The following RBMS1 variants were observed in gnomAD, a reference collection of about 807,000 sequenced individuals.
The protein encoded by RBMS1 is RNA binding motif single stranded interacting protein 1.
A neutral mutation model predicts 62.3 loss-of-function variants in RBMS1; 17 were observed. The observed-to-expected ratio is 0.27, with a 90% confidence interval of 0.19 to 0.41. The LOEUF (loss-of-function observed/expected upper bound fraction) is 0.41. RBMS1 is among the 10% of genes least tolerant of loss of function. RBMS1 has a pLI of 1.00. For missense variants in RBMS1, 334 were observed against 504.5 expected (o/e 0.66, Z 3.24); for synonymous variants, 172 against 170.0 (o/e 1.01, Z -0.09).
At chr2:160,275,854 A>G in intron 12 of RBMS1, 140 bp from the exon 13 acceptor site, 1 of 1,230,350 alleles carries the variant, frequency 8.1e-7, no homozygotes, top group Non-Finnish European at 1.1e-6. Flanking sequence ...TAGAGCTTTC[A>G]AGGTTAATCA....
intron 1 of RBMS1, among the ~76,000 whole-genome samples, chr2:160,424,139 C>T (rs1192980318): frequency 2.0e-5 from 3 of 151,880 alleles, no homozygotes; most frequent in Admixed American, 1.3e-4. Flanking sequence ...CTGCCTCAGC[C>T]TCCCAAGTAG....
chr2:160,450,553 A>C (rs140076253), intron 1 of RBMS1, among the ~76,000 whole-genome samples: 2 of 12,376 alleles, frequency 1.6e-4, no homozygotes, highest in Non-Finnish European at 6.2e-4. Context: ...AAAAAATAAA[A>C]AATAAAAAAT....
At chr2:160,341,027 A>C (rs1691839858) in intron 2 of RBMS1, among the ~76,000 whole-genome samples, 1 of 152,156 alleles carries the variant, frequency 6.6e-6, no homozygotes, top group African/African-American at 2.4e-5. Flanking sequence ...AAATATTATA[A>C]AATTGGTCTT....
At chr2:160,451,452 T>C (rs1683988384) in intron 1 of RBMS1, among the ~76,000 whole-genome samples, 1 of 152,148 alleles carries the variant, frequency 6.6e-6, no homozygotes, top group Non-Finnish European at 1.5e-5. Context: ...AATGTACAAG[T>C]ATAATCTATA....
intron 1 of RBMS1, among the ~76,000 whole-genome samples, chr2:160,421,547 T>C (rs1696429661): frequency 2.0e-5 from 3 of 152,224 alleles, no homozygotes; most frequent in South Asian, 2.1e-4. Context: ...CAGTCTATCA[T>C]TGATGGACAT....
At chr2:160,356,305 G>GT (rs1265333582) in intron 2 of RBMS1, among the ~76,000 whole-genome samples, 1 of 152,008 alleles carries the variant, frequency 6.6e-6, no homozygotes. Context: ...TTTATTTTGA[G>GT]TTTTTTATTT....
chr2:160,426,259 A>G (rs866900017), intron 1 of RBMS1, among the ~76,000 whole-genome samples: 10 of 125,362 alleles, frequency 8.0e-5, no homozygotes, highest in Non-Finnish European at 1.5e-4. Flanking sequence ...GAAAGAAAGA[A>G]AGAAAGAAAG....
At chr2:160,318,036 G>T in intron 3 of RBMS1, 133 bp downstream of exon 3, 1 of 1,352,016 alleles carries the variant, frequency 7.4e-7, no homozygotes, top group Non-Finnish European at 9.9e-7. Flanking sequence ...CACTGTGCAA[G>T]ACAGAAACTG....
At chr2:160,378,109 A>C (rs968211420) in intron 1 of RBMS1, among the ~76,000 whole-genome samples, 11 of 151,860 alleles carry the variant, frequency 7.2e-5, no homozygotes, top group South Asian at 6.2e-4. Context: ...TTAGATGTCC[A>C]GGTCTATGCT....
chr2:160,283,911 T>C (rs1688232257), intron 9 of RBMS1: 1 of 152,230 alleles, frequency 6.6e-6, no homozygotes, highest in Non-Finnish European at 1.5e-5. Context: ...TTAGATTACA[T>C]ATTGTAGTCC....
chr2:160,426,335 A>AAGG (rs58658592), intron 1 of RBMS1, among the ~76,000 whole-genome samples: 3 of 93,282 alleles, frequency 3.2e-5, no homozygotes, highest in East Asian at 3.4e-4. Flanking sequence ...GGAAGGAAGG[A>AAGG]AAGGAAGGAA....
intron 6 of RBMS1, among the ~76,000 whole-genome samples, chr2:160,289,325 G>A (rs962399927): frequency 1.3e-5 from 2 of 152,210 alleles, no homozygotes; most frequent in African/African-American, 4.8e-5. Flanking sequence ...AAAAAGGGAA[G>A]TAGTTACAAC....
At chr2:160,343,948 A>G (rs1692033614) in intron 2 of RBMS1, among the ~76,000 whole-genome samples, 1 of 152,178 alleles carries the variant, frequency 6.6e-6, no homozygotes, top group African/African-American at 2.4e-5. Context: ...AATATGTTTT[A>G]AATAAACATA....
At chr2:160,476,840 C>T (rs1685159872) in intron 1 of RBMS1, among the ~76,000 whole-genome samples, 1 of 152,128 alleles carries the variant, frequency 6.6e-6, no homozygotes, top group Non-Finnish European at 1.5e-5. Context: ...AGGCGTGAGC[C>T]ACCGCGCCCG....
At chr2:160,366,578 C>A (rs1353044028) in intron 2 of RBMS1, among the ~76,000 whole-genome samples, 2 of 152,194 alleles carry the variant, frequency 1.3e-5, no homozygotes, top group East Asian at 3.9e-4. Context: ...AGTGTAATTG[C>A]AGCAAAGAAG....
chr2:160,410,370 G>C (rs1037542683), intron 1 of RBMS1, among the ~76,000 whole-genome samples: 1 of 151,890 alleles, frequency 6.6e-6, no homozygotes, highest in Admixed American at 6.6e-5. Context: ...AATGTCCACC[G>C]GGGTTCAAAA....
intron 1 of RBMS1, among the ~76,000 whole-genome samples, chr2:160,462,337 T>C (rs1325393603): frequency 2.0e-5 from 3 of 152,148 alleles, no homozygotes; most frequent in African/African-American, 7.2e-5. Context: ...TGCCCAAGAT[T>C]TCTAGGTAGC....
Position 160,314,195 on chromosome 2 carries a change from T to G in RBMS1, c.311-948A>C, listed in dbSNP as rs529681102. Among the ~76,000 whole-genome samples the G allele has an allele frequency of 1.2e-4, 18 of 152,256 alleles. No individual in the cohort carries two copies. In the South Asian group the frequency reaches 3.5e-3, roughly 30 times the overall value. ...ATAAGCACTAACAGCCTCATGAATC[T>G]CAACAGATCCCATGAGTATCACCGT... On this transcript the variant is annotated intron_variant, in intron 3 of 13. Transcript: ENST00000348849.
chr2:160,334,264 G>A (rs1691443416), intron 2 of RBMS1, among the ~76,000 whole-genome samples: 1 of 152,192 alleles, frequency 6.6e-6, no homozygotes, highest in African/African-American at 2.4e-5. Context: ...TGAGCTAACA[G>A]AAGGAGAATT....
Sources: allele counts gnomAD v4.1 joint callset (sites outside exome capture counted in the v4.1 genomes callset), GRCh38; gene constraint gnomAD v4.1.1; transcripts MANE v1.5; gene names NCBI Gene and HGNC (gene_info 2026-07-23, HGNC 2026-07-21).